The following METTL9 variants were observed in gnomAD, a reference collection of about 807,000 sequenced individuals.
METTL9 encodes protein-L-histidine N-pros-methyltransferase.
Under a neutral mutation model 36.0 loss-of-function variants are expected in METTL9, and 10 were observed. The observed-to-expected ratio is 0.28, with a 90% CI of 0.17 to 0.47. METTL9 has a LOEUF of 0.47. METTL9 is among the 20% of genes least tolerant of loss of function. METTL9 has a pLI of 0.99. For synonymous variants in METTL9, 175 were observed against 149.7 expected, an observed-to-expected ratio of 1.17 and a Z score of -1.23; for missense variants, 246 against 383.5, an observed-to-expected ratio of 0.64 and a Z score of 3.00.
intron 4 of METTL9, among the ~76,000 whole-genome samples, chr16:21,651,686 C>T (rs939513799): frequency 3.9e-5 from 6 of 152,220 alleles, no homozygotes; most frequent in Admixed American, 6.5e-5. Context: ...CACATGGCTT[C>T]GACCCAATCT....
At chr16:21,642,759 A>T (rs1966306646) in intron 4 of METTL9, among the ~76,000 whole-genome samples, 1 of 152,206 alleles carries the variant, frequency 6.6e-6, no homozygotes. Context: ...TGCATGCAGG[A>T]TACTGTACAG....
chr16:21,632,119 C>T (rs779731785), intron 4 of METTL9, among the ~76,000 whole-genome samples: 10 of 152,138 alleles, frequency 6.6e-5, no homozygotes, highest in African/African-American at 9.7e-5. Flanking sequence ...GTAAGACTGC[C>T]GCCTCCTTGG....
rs117199959 is a variant in METTL9, at chr16:21,637,132, T to C, written c.751+12017T>C. Reference sequence around the variant, plus strand: ...ATGGAAGGGGACCCGAGCGGGTTGCTGCTGCTGGCTCTGTTGGCCTGCTTT... The same window carrying C: ...ATGGAAGGGGACCCGAGCGGGTTGCCGCTGCTGGCTCTGTTGGCCTGCTTT... On this transcript the variant is annotated intron_variant, in intron 4 of 4. Transcript: ENST00000358154. Among the ~76,000 whole-genome samples the C allele has an allele frequency of 8.9e-3, 1,349 of 152,298 alleles. 48 individuals carry two copies. Among genetic ancestry groups the C allele is most frequent in the East Asian group, 0.083 (428 of 5,166 alleles).
intron 4 of METTL9, among the ~76,000 whole-genome samples, chr16:21,628,912 T>TG (rs1267663651): frequency 1.3e-4 from 19 of 147,934 alleles, no homozygotes; most frequent in African/African-American, 4.5e-4. Context: ...TTTTTGGAGA[T>TG]GGAGTCTCAC....
chr16:21,597,412 G>T, upstream of METTL9: 2 of 630,572 alleles, frequency 3.2e-6, no homozygotes, highest in Non-Finnish European at 5.0e-6. Context: ...AGTGTTTGGT[G>T]GTTATTATAG....
intron 2 of METTL9, among the ~76,000 whole-genome samples, chr16:21,617,447 G>T (rs987020764): frequency 2.7e-5 from 4 of 150,468 alleles, no homozygotes; most frequent in African/African-American, 9.8e-5. Context: ...AAAAAATTAG[G>T]CCAGGCGCAG....
chr16:21,640,538 G>A (rs1173051227), intron 4 of METTL9: 1 of 147,096 alleles, frequency 6.8e-6, no homozygotes, highest in Non-Finnish European at 1.5e-5. Flanking sequence ...ATCATCTGAG[G>A]TCTTGAGTTT....
intron 1 of METTL9, among the ~76,000 whole-genome samples, chr16:21,608,962 G>A (rs775957760): frequency 2.0e-5 from 3 of 152,206 alleles, no homozygotes; most frequent in Non-Finnish European, 4.4e-5. Context: ...CCTGGAGCAG[G>A]AGCTTGAATC....
chr16:21,607,027 A>G (rs1567325670), intron 1 of METTL9, among the ~76,000 whole-genome samples: 1 of 152,144 alleles, frequency 6.6e-6, no homozygotes. Flanking sequence ...CGAGTGATTC[A>G]TCAACCAAGG....
intron 1 of METTL9, among the ~76,000 whole-genome samples, chr16:21,603,528 T>G (rs1965193560): frequency 6.6e-6 from 1 of 152,222 alleles, no homozygotes; most frequent in Non-Finnish European, 1.5e-5. Flanking sequence ...AACTAGTAGA[T>G]ATTGTCACTT....
intron 4 of METTL9, among the ~76,000 whole-genome samples, chr16:21,651,439 T>A (rs1966573887): frequency 6.6e-6 from 1 of 151,932 alleles, no homozygotes; most frequent in Non-Finnish European, 1.5e-5. Flanking sequence ...GGACTGCAGG[T>A]GCAGTGCAGG....
intron 4 of METTL9, among the ~76,000 whole-genome samples, chr16:21,651,224 A>G (rs1966566973): frequency 6.6e-6 from 1 of 152,172 alleles, no homozygotes. Context: ...CTCCGTCTCA[A>G]ACAAACAAAA....
chr16:21,650,261 CT>C (rs925286458), intron 4 of METTL9, among the ~76,000 whole-genome samples: 10 of 152,086 alleles, frequency 6.6e-5, no homozygotes, highest in Non-Finnish European at 1.3e-4. Context: ...AATCCCAGCA[CT>C]TTGGGATGCC....
intron 4 of METTL9, among the ~76,000 whole-genome samples, chr16:21,637,043 G>A (rs185442421): frequency 1.3e-5 from 2 of 152,204 alleles, no homozygotes; most frequent in African/African-American, 4.8e-5. Flanking sequence ...AAGGTGGCAC[G>A]GACCCAAAGA....
intron 4 of METTL9, chr16:21,647,640 T>C: frequency 1.9e-6 from 2 of 1,061,830 alleles, no homozygotes; most frequent in Non-Finnish European, 2.6e-6. Flanking sequence ...ACACCAGTGG[T>C]CCTCACTTGC....
chr16:21,655,296 A>G lies in METTL9; in HGVS notation c.821A>G (p.Asn274Ser), dbSNP rs1966676492. 1.7e-5 allele frequency: 27 copies of G among 1,614,134 alleles called. 1 individual carries two copies. Among genetic ancestry groups the G allele is most frequent in the Non-Finnish European group, 2.2e-5 (26 of 1,180,056 alleles). Reference protein sequence around the residue: ...IKGQNWEEQVNSLPEVFRKAG... With the variant: ...IKGQNWEEQVSSLPEVFRKAG... ...GGACAGAACTGGGAAGAACAAGTGA[A>G]TAGTCTGCCTGAAGTTTTCAGAAAA... is the stretch of plus-strand genomic sequence containing the variant. Residue 274 changes from asparagine to serine, a missense_variant, in exon 5 of 5, where the codon AAT becomes AGT. By Grantham distance (46) the Asn-to-Ser change is conservative (BLOSUM62 1). Around this residue, in one of 2 missense-constraint regions of METTL9, gnomAD observed 146 missense variants for 302.1 expected, o/e 0.48. Transcript: ENST00000358154.
At position 21,655,372 on chromosome 16, in the gene METTL9, C is replaced by T. The variant is rs61736771; in HGVS notation, c.897C>T (p.Gly299=). The T allele has an allele frequency of 3.1e-5, 50 of 1,613,984 alleles. No homozygotes were observed. The Middle Eastern group carries it at 4.9e-4, about 16-fold the overall frequency. Residue 299 remains glycine (G), a synonymous_variant, in exon 5 of 5, where the codon GGC becomes GGT. Coordinates refer to ENST00000358154, the MANE Select transcript of METTL9 (RefSeq NM_016025.5). ...CCAGACTACCATACCTGTGTGAAGG[C>T]GACATGTATAATGACTACTACGTTC... ...AFTRLPYLCE[G]DMYNDYYVLD...
intron 1 of METTL9, among the ~76,000 whole-genome samples, chr16:21,603,563 T>TA (rs1238109254): frequency 6.6e-6 from 1 of 152,198 alleles, no homozygotes; most frequent in African/African-American, 2.4e-5. Context: ...ACTCAGAATT[T>TA]AAAAAGACAA....
chr16:21,635,662 T>C (rs1369296694), intron 4 of METTL9, among the ~76,000 whole-genome samples: 1 of 152,108 alleles, frequency 6.6e-6, no homozygotes, highest in East Asian at 1.9e-4. Flanking sequence ...CAGAAAAAAA[T>C]GAGCCGCTTC....
Sources: allele counts gnomAD v4.1 joint callset (sites outside exome capture counted in the v4.1 genomes callset), GRCh38; gene constraint gnomAD v4.1.1; regional missense constraint gnomAD v4.1.1; transcripts MANE v1.5; gene names NCBI Gene and HGNC (gene_info 2026-07-23, HGNC 2026-07-21).